DMD: variants seen among roughly 807,000 people sequenced by gnomAD.
DMD encodes the protein mutant dystrophin.
In DMD, 63 loss-of-function variants were observed where a neutral mutation model predicts 330.1. The ratio of observed to expected loss-of-function variants is 0.19; its 90% CI spans 0.16 to 0.24. The LOEUF (loss-of-function observed/expected upper bound fraction) is 0.24, where lower values mean the gene tolerates loss of function less well. DMD is among the 10% of genes least tolerant of loss of function. The pLI is 1.00. For missense variants in DMD, 3,344 were observed against 2,684.1 expected (o/e 1.25, Z -5.43); for synonymous variants, 1,223 against 959.8 (o/e 1.27, Z -5.07).
At chrX:32,452,556 T>A (rs1185301252) in intron 26 of DMD, among the ~76,000 whole-genome samples, 1 of 107,689 alleles carries the variant, frequency 9.3e-6, no homozygotes, top group Non-Finnish European at 1.9e-5. Context: ...ATACCTTCAA[T>A]CCTGTGGGCT....
chrX:31,762,141 C>T (rs1697375153), intron 51 of DMD, among the ~76,000 whole-genome samples: 1 of 112,379 alleles, frequency 8.9e-6, no homozygotes, highest in Non-Finnish European at 1.9e-5. Flanking sequence ...GTGGGGCTGC[C>T]AGAAAAGCAC....
At chrX:32,866,710 C>A (rs865874718) in intron 2 of DMD, among the ~76,000 whole-genome samples, 1 of 68,516 alleles carries the variant, frequency 1.5e-5, no homozygotes, top group Admixed American at 2.3e-4. Context: ...TATATACATA[C>A]ACACACTTTT....
chrX:32,120,033 T>C (rs1345635949), intron 44 of DMD, among the ~76,000 whole-genome samples: 3 of 112,241 alleles, frequency 2.7e-5, no homozygotes, highest in Non-Finnish European at 5.6e-5. Flanking sequence ...TTCCTACCTA[T>C]AGTTGATAGT....
chrX:31,689,971 A>T (rs1388868865), intron 52 of DMD, among the ~76,000 whole-genome samples: 4 of 112,209 alleles, frequency 3.6e-5, no homozygotes, highest in African/African-American at 1.3e-4. Context: ...AAATTAATTC[A>T]AGATGGATTG....
At chrX:31,753,490 T>A (rs749120736) in intron 51 of DMD, among the ~76,000 whole-genome samples, 1 of 111,940 alleles carries the variant, frequency 8.9e-6, no homozygotes, top group East Asian at 2.8e-4. Context: ...AAATATAAAA[T>A]CATCTGATGG....
Position 33,112,531 on chromosome X carries a change from T to C in DMD, c.32-92331A>G, listed in dbSNP as rs185965168. 4.3e-3 allele frequency among the ~76,000 whole-genome samples: 480 copies of C among 111,435 alleles called. 3 individuals are homozygous for C. The highest frequency in any genetic ancestry group is 0.015 in the African/African-American group (453 of 30,727). ...ATAGTTAATTGCTTGAAGAAGAAAATAGACTTTTTCAGTAATAATAACAAA... is the reference window on the plus strand; with the variant it reads ...ATAGTTAATTGCTTGAAGAAGAAAACAGACTTTTTCAGTAATAATAACAAA... On this transcript the variant is annotated intron_variant, in intron 1 of 78. Transcript: ENST00000357033.
intron 20 of DMD, among the ~76,000 whole-genome samples, chrX:32,487,734 A>C (rs1288539387): frequency 9.0e-6 from 1 of 111,147 alleles, no homozygotes; most frequent in Non-Finnish European, 1.9e-5. Flanking sequence ...CAGGTAAAAT[A>C]ATCTCTGACG....
chrX:31,872,129 TAA>T (rs769153948), intron 48 of DMD, among the ~76,000 whole-genome samples: 4 of 107,341 alleles, frequency 3.7e-5, no homozygotes, highest in Admixed American at 1.0e-4. Context: ...AGAAAAAGGC[TAA>T]AAGAGTATTT....
At chrX:31,392,749 T>C (rs920393307) in intron 60 of DMD, among the ~76,000 whole-genome samples, 2 of 112,370 alleles carry the variant, frequency 1.8e-5, no homozygotes, top group Non-Finnish European at 3.8e-5. Context: ...CTAGGTTTTA[T>C]GGTTTAGTAA....
At chrX:31,191,293 A>T (rs2042325866) in intron 67 of DMD, among the ~76,000 whole-genome samples, 1 of 112,045 alleles carries the variant, frequency 8.9e-6, no homozygotes, top group African/African-American at 3.3e-5. Context: ...ATACATACAT[A>T]TCCATAAATA....
rs752848108 is a variant in DMD, at chrX:32,206,812, G to A, written c.6438+10104C>T. The A allele has an allele frequency of 8.7e-5, 33 of 377,969 alleles. No homozygotes were observed. The East Asian group carries it at 1.5e-3, about 17-fold the overall frequency. 31.1% of individuals were successfully genotyped at this position (377,969 alleles called of 1,213,427 possible). Reference sequence around the variant, plus strand: ...CTGTAACAGTTGATATCTGGCTGTCGTTTTGATAATGCAGAGTGAGAACCT... The same window carrying A: ...CTGTAACAGTTGATATCTGGCTGTCATTTTGATAATGCAGAGTGAGAACCT... On this transcript the variant is annotated intron_variant, in intron 44 of 78. Transcript: ENST00000357033.
chrX:33,163,530 C>T (rs1248663239), intron 1 of DMD, among the ~76,000 whole-genome samples: 1 of 100,904 alleles, frequency 9.9e-6, no homozygotes, highest in Non-Finnish European at 2.0e-5. Context: ...AGTGAGACTC[C>T]ATCTCAAAAA....
intron 1 of DMD, among the ~76,000 whole-genome samples, chrX:33,165,880 C>G (rs1384795598): frequency 9.0e-6 from 1 of 111,551 alleles, no homozygotes; most frequent in Non-Finnish European, 1.9e-5. Context: ...CCAAAACACA[C>G]AGGACAAGAA....
At chrX:31,311,682 TGAA>T (rs776125510) in intron 62 of DMD, among the ~76,000 whole-genome samples, 6 of 111,657 alleles carry the variant, frequency 5.4e-5, no homozygotes, top group Non-Finnish European at 9.4e-5. Context: ...TTTAATTCTG[TGAA>T]GAAGGTCATG....
Position 32,491,506 on chromosome X carries a change from G to A in DMD, c.2393C>T (p.Ala798Val). The change falls in exon 20 of 79, where the codon GCA becomes GTA. Residue 798 changes from alanine (A) to valine (V), a missense_variant. Coordinates refer to ENST00000357033, the MANE Select transcript of DMD (RefSeq NM_004006.3). ...VEQMVNEGVN[A>V]DSIKQASEQL... The stretch of plus-strand genomic sequence containing the variant: ...TTCTGAGGCTTGTTTGATGCTATCT[G>A]CATTAACACCCTCTAGAAAGAAAAA... 1.7e-6 allele frequency: 2 copies of A among 1,208,877 alleles called. No homozygotes were observed. The highest frequency in any genetic ancestry group is 2.2e-6 in the Non-Finnish European group (2 of 893,690).
intron 44 of DMD, among the ~76,000 whole-genome samples, chrX:32,141,715 A>AC (rs2096754780): frequency 9.4e-6 from 1 of 105,923 alleles, no homozygotes; most frequent in African/African-American, 3.5e-5. Context: ...ACACACACAC[A>AC]CACACACACG....
intron 60 of DMD, among the ~76,000 whole-genome samples, chrX:31,440,983 T>C (rs983682354): frequency 4.5e-5 from 5 of 112,245 alleles, no homozygotes; most frequent in African/African-American, 1.6e-4. Flanking sequence ...TTTTGACTGA[T>C]ATTACAGACA....
At chrX:31,201,472 G>C (rs1035474993) in intron 67 of DMD, among the ~76,000 whole-genome samples, 1 of 112,826 alleles carries the variant, frequency 8.9e-6, no homozygotes, top group African/African-American at 3.2e-5. Flanking sequence ...TGAATTCAAA[G>C]CTTTGAGACT....
intron 60 of DMD, among the ~76,000 whole-genome samples, chrX:31,429,873 G>GTT (rs1299558410): frequency 6.8e-4 from 69 of 101,093 alleles, no homozygotes; most frequent in African/African-American, 2.3e-3. Flanking sequence ...TTTTAAGAAG[G>GTT]TTTTTTTTTT....
Sources: allele counts gnomAD v4.1 joint callset (sites outside exome capture counted in the v4.1 genomes callset), GRCh38; gene constraint gnomAD v4.1.1; transcripts MANE v1.5; gene names NCBI Gene and HGNC (gene_info 2026-07-23, HGNC 2026-07-21).